SLC2A9: variants seen among roughly 807,000 people sequenced by gnomAD.
SLC2A9 encodes solute carrier family 2 member 9.
In SLC2A9, 39 loss-of-function variants were observed where a neutral mutation model predicts 50.6. That is an observed-to-expected ratio of 0.77 (90% CI 0.60 to 1.01). SLC2A9 has a LOEUF of 1.01. SLC2A9 is among the 50% of genes least tolerant of loss of function. The pLI is 0.00. For missense variants in SLC2A9, 686 were observed against 677.6 expected (o/e 1.01, Z -0.14); for synonymous variants, 324 against 276.9 (o/e 1.17, Z -1.69).
rs1725106347 is a variant in SLC2A9 at position 9,826,278 on chromosome 4, G to T, written c.*119C>A. 3 of 957,190 alleles carry T rather than the reference G, an allele frequency of 3.1e-6. No individual in the cohort carries two copies. Among genetic ancestry groups the T allele is most frequent in the Admixed American group, 1.9e-5 (1 of 53,862 alleles). The allele number at this position is 957,190 out of a possible 1,614,324, so 59.3% of individuals were successfully genotyped here. ...TTTAATAATATAAAAGACTTGCATA[G>T]CTTCAATTCATTTAAGCTTCCCAAT... On this transcript the variant is annotated 3_prime_UTR_variant, in exon 12 of 12. Coordinates refer to ENST00000264784, the MANE Select transcript of SLC2A9 (RefSeq NM_020041.3).
chr4:9,836,311 A>T (rs964023759), intron 10 of SLC2A9, among the ~76,000 whole-genome samples: 22 of 142,586 alleles, frequency 1.5e-4, no homozygotes, highest in African/African-American at 5.2e-5. Context: ...ATAAAAAAAT[A>T]AAAATAAAAA....
chr4:9,922,318 G>C (rs867494181), intron 6 of SLC2A9, among the ~76,000 whole-genome samples: 8 of 152,124 alleles, frequency 5.3e-5, no homozygotes, highest in Non-Finnish European at 1.0e-4. Flanking sequence ...GAGCCCATTG[G>C]GGGGTGGGGT....
chr4:9,870,975 G>A (rs1733339031), intron 10 of SLC2A9, among the ~76,000 whole-genome samples: 1 of 152,156 alleles, frequency 6.6e-6, no homozygotes, highest in African/African-American at 2.4e-5. Flanking sequence ...GCAGTACATT[G>A]GTGTAATCTT....
At chr4:10,027,934 C>T (rs1763809279) in intron 1 of SLC2A9, among the ~76,000 whole-genome samples, 1 of 152,194 alleles carries the variant, frequency 6.6e-6, no homozygotes, top group Admixed American at 6.5e-5. Flanking sequence ...GAACACCAGG[C>T]TTTATTTCTT....
At chr4:9,872,524 TA>T (rs1395201670) in intron 10 of SLC2A9, among the ~76,000 whole-genome samples, 3 of 152,258 alleles carry the variant, frequency 2.0e-5, no homozygotes, top group Non-Finnish European at 2.9e-5. Context: ...ATAAATTCGA[TA>T]AATGTGTTGC....
intron 3 of SLC2A9, chr4:9,782,015 G>A (rs1718469184): frequency 2.1e-6 from 3 of 1,449,140 alleles, no homozygotes; most frequent in African/African-American, 2.9e-5. Flanking sequence ...GACCGCCCCT[G>A]CAGTCCAGCC....
chr4:9,809,273 G>C (rs978309429), intron 3 of SLC2A9, among the ~76,000 whole-genome samples: 1 of 152,034 alleles, frequency 6.6e-6, no homozygotes, highest in African/African-American at 2.4e-5. Flanking sequence ...AGATGTCCCT[G>C]GGTATCATAT....
intron 3 of SLC2A9, among the ~76,000 whole-genome samples, chr4:9,821,036 G>A (rs76676980): frequency 3.9e-5 from 6 of 152,040 alleles, no homozygotes; most frequent in African/African-American, 7.2e-5. Flanking sequence ...TTAGTTTTGC[G>A]CCACTAAATA....
At chr4:9,815,321 G>T (rs1293276629) in intron 3 of SLC2A9, among the ~76,000 whole-genome samples, 1 of 152,234 alleles carries the variant, frequency 6.6e-6, no homozygotes, top group Non-Finnish European at 1.5e-5. Context: ...GAATTGGGCT[G>T]ACTTCACATA....
intron 10 of SLC2A9, chr4:9,880,051 G>C: frequency 1.0e-6 from 1 of 985,410 alleles, no homozygotes; most frequent in African/African-American, 1.7e-5. Context: ...ATGGAGAGCA[G>C]GCCCATGAGT....
intron 3 of SLC2A9, among the ~76,000 whole-genome samples, chr4:9,813,461 T>C (rs1182367413): frequency 6.6e-6 from 1 of 152,222 alleles, no homozygotes; most frequent in Non-Finnish European, 1.5e-5. Flanking sequence ...CATCTGCACC[T>C]GCCCTGGTCA....
intron 3 of SLC2A9, among the ~76,000 whole-genome samples, chr4:9,790,298 C>T (rs1486039273): frequency 6.6e-6 from 1 of 152,192 alleles, no homozygotes; most frequent in Non-Finnish European, 1.5e-5. Context: ...CCATCTTGGA[C>T]CTTTTCCTGT....
intron 4 of SLC2A9, among the ~76,000 whole-genome samples, chr4:9,981,191 G>A (rs1210296364): frequency 3.4e-5 from 3 of 89,354 alleles, no homozygotes; most frequent in South Asian, 4.0e-4. Context: ...TGGTGGTAGT[G>A]ATGGTCATGA....
At chr4:9,826,685 G>T (rs1339050186) in intron 11 of SLC2A9, 85 bp from the exon 12 acceptor site, 2 of 1,263,212 alleles carry the variant, frequency 1.6e-6, no homozygotes, top group Non-Finnish European at 2.3e-6. Flanking sequence ...TTTTAAGATA[G>T]CTCCACATTC....
chr4:9,982,039 G>A (rs1308792897), intron 4 of SLC2A9, among the ~76,000 whole-genome samples: 12 of 152,160 alleles, frequency 7.9e-5, no homozygotes, highest in African/African-American at 2.9e-4. Context: ...GCGCCACCAC[G>A]CCCAGCTAAT....
Position 9,872,503 on chromosome 4 carries a change from C to T in SLC2A9, c.1291+15064G>A, listed in dbSNP as rs116658755. Among the ~76,000 whole-genome samples, 1,426 of 152,310 alleles carry T rather than the reference C, an allele frequency of 9.4e-3. 21 individuals carry two copies. The highest frequency in any genetic ancestry group is 0.031 in the African/African-American group (1,308 of 41,558). On this transcript the variant is annotated intron_variant, in intron 10 of 11. Coordinates refer to ENST00000264784, the MANE Select transcript of SLC2A9 (RefSeq NM_020041.3). ...GCTATCCAGACTCCTGTTTTCCAAACGCTTGAATGAATAAATTCGATAAAT... is the reference window on the plus strand; with the variant it reads ...GCTATCCAGACTCCTGTTTTCCAAATGCTTGAATGAATAAATTCGATAAAT...
chr4:10,027,673 G>A (rs1248212772), intron 1 of SLC2A9, among the ~76,000 whole-genome samples: 1 of 152,074 alleles, frequency 6.6e-6, no homozygotes, highest in Non-Finnish European at 1.5e-5. Flanking sequence ...GAGCATTGGG[G>A]CCGAGTGTCC....
chr4:9,812,787 T>C (rs373617756), intron 3 of SLC2A9, among the ~76,000 whole-genome samples: 11 of 152,336 alleles, frequency 7.2e-5, no homozygotes, highest in African/African-American at 2.6e-4. Context: ...ATCCAAGTTT[T>C]TTTTTCTTTG....
chr4:10,028,375 C>T (rs993892825), intron 1 of SLC2A9, among the ~76,000 whole-genome samples: 8 of 152,162 alleles, frequency 5.3e-5, no homozygotes, highest in African/African-American at 1.7e-4. Context: ...AGACTCAGAC[C>T]CTCATCCTGG....
Sources: gnomAD v4.1 joint callset for allele counts (sites outside exome capture counted in the v4.1 genomes callset) on GRCh38, gnomAD v4.1.1 for gene constraint, MANE v1.5 for transcripts, NCBI Gene and HGNC (gene_info 2026-07-23, HGNC 2026-07-21) for gene names.